Variants in TLK2 observed in about 807,000 individuals in gnomAD.
TLK2 encodes serine/threonine-protein kinase tousled-like 2.
In TLK2, 6 loss-of-function variants were observed where a neutral mutation model predicts 117.3. The ratio of observed to expected loss-of-function variants is 0.05; its 90% confidence interval spans 0.03 to 0.10. The LOEUF (loss-of-function observed/expected upper bound fraction) is 0.10, where lower values mean the gene tolerates loss of function less well. TLK2 is among the 10% of genes least tolerant of loss of function. TLK2 has a pLI of 1.00. For synonymous variants in TLK2, 257 were observed against 316.7 expected (o/e 0.81, Z 2.00); for missense variants, 299 against 901.2 (o/e 0.33, Z 8.56).
chr17:62,572,957 T>C, intron 11 of TLK2: 1 of 321,726 alleles, frequency 3.1e-6, no homozygotes, highest in Non-Finnish European at 5.7e-6. Context: ...AAGGTCACAA[T>C]AGAAATTTGA....
chr17:62,484,852 CG>C (rs1223125399), intron 2 of TLK2, among the ~76,000 whole-genome samples: 1 of 151,854 alleles, frequency 6.6e-6, no homozygotes, highest in Non-Finnish European at 1.5e-5. Flanking sequence ...GTCAGGAGAT[CG>C]AGACCATCCT....
intron 10 of TLK2, among the ~76,000 whole-genome samples, chr17:62,563,888 A>G (rs547936695): frequency 6.6e-6 from 1 of 152,284 alleles, no homozygotes; most frequent in East Asian, 1.9e-4. Flanking sequence ...CTTCTAGCGC[A>G]TTGAGGGGTT....
intron 9 of TLK2, among the ~76,000 whole-genome samples, chr17:62,556,817 A>C (rs1233388998): frequency 6.7e-6 from 1 of 150,224 alleles, no homozygotes; most frequent in Non-Finnish European, 1.5e-5. Flanking sequence ...TATTTCTCAC[A>C]TGTTATGTCT....
At chr17:62,598,338 T>A (rs2082630104) in intron 17 of TLK2, among the ~76,000 whole-genome samples, 1 of 152,354 alleles carries the variant, frequency 6.6e-6, no homozygotes, top group African/African-American at 2.4e-5. Flanking sequence ...TACACACTTT[T>A]AACTAATGTG....
chr17:62,560,994 C>G (rs2079224966), intron 10 of TLK2, among the ~76,000 whole-genome samples: 1 of 152,154 alleles, frequency 6.6e-6, no homozygotes, highest in African/African-American at 2.4e-5. Flanking sequence ...CAACCCACAA[C>G]AGGCCCCGGT....
chr17:62,570,535 A>C (rs574242617), intron 11 of TLK2, among the ~76,000 whole-genome samples: 1 of 152,326 alleles, frequency 6.6e-6, no homozygotes, highest in East Asian at 1.9e-4. Context: ...TTGTACTCCC[A>C]AAATAAATCT....
intron 14 of TLK2, among the ~76,000 whole-genome samples, chr17:62,578,810 T>G (rs2081003722): frequency 6.6e-6 from 1 of 152,212 alleles, no homozygotes; most frequent in South Asian, 2.1e-4. Flanking sequence ...CATATAGCAT[T>G]TTTACATGAA....
chr17:62,546,686 A>T (rs2077973235), intron 7 of TLK2, among the ~76,000 whole-genome samples: 1 of 150,754 alleles, frequency 6.6e-6, no homozygotes, highest in African/African-American at 2.4e-5. Flanking sequence ...CTCCCGAGTA[A>T]TTGGGACTAT....
chr17:62,510,360 C>T (rs2075047394), intron 2 of TLK2, among the ~76,000 whole-genome samples: 1 of 152,082 alleles, frequency 6.6e-6, no homozygotes, highest in African/African-American at 2.4e-5. Flanking sequence ...TTTTTTGAAC[C>T]AGATAGCCTT....
At chr17:62,555,840 G>A (rs1240699844) in intron 9 of TLK2, among the ~76,000 whole-genome samples, 1 of 152,074 alleles carries the variant, frequency 6.6e-6, no homozygotes, top group Admixed American at 6.6e-5. Context: ...AGGCTGGAGT[G>A]CAGTGGCGCA....
intron 2 of TLK2, among the ~76,000 whole-genome samples, chr17:62,487,128 T>C (rs1463112083): frequency 6.6e-6 from 1 of 151,934 alleles, no homozygotes; most frequent in Admixed American, 6.6e-5. Flanking sequence ...CCGTCTCTAC[T>C]AAAAATACAA....
At chr17:62,555,833 C>A (rs1264923251) in intron 9 of TLK2, among the ~76,000 whole-genome samples, 1 of 152,086 alleles carries the variant, frequency 6.6e-6, no homozygotes, top group East Asian at 1.9e-4. Flanking sequence ...GTCACCCAGG[C>A]TGGAGTGCAG....
intron 2 of TLK2, among the ~76,000 whole-genome samples, chr17:62,486,830 A>G (rs1384508116): frequency 6.6e-6 from 1 of 152,186 alleles, no homozygotes; most frequent in Non-Finnish European, 1.5e-5. Flanking sequence ...TACATAATCA[A>G]CTCACTGGAT....
intron 6 of TLK2, among the ~76,000 whole-genome samples, chr17:62,534,226 T>C (rs2076958761): frequency 6.6e-6 from 1 of 152,118 alleles, no homozygotes; most frequent in Non-Finnish European, 1.5e-5. Context: ...CAAGAAAGCA[T>C]GAGAGAGAAC....
rs2080818562 is a variant in TLK2 at position 62,576,779 on chromosome 17, A to C, written c.1188+4A>C. On this transcript the variant is annotated splice_donor_region_variant and intron_variant, in intron 13 of 21. Coordinates refer to ENST00000346027, the MANE Select transcript of TLK2 (RefSeq NM_006852.6). ...CAGATTAGGTCATCTTAAAAAGGTAAGTATAATGAGAAAATCTCCCTGGAG... is the reference window on the plus strand; with the variant it reads ...CAGATTAGGTCATCTTAAAAAGGTACGTATAATGAGAAAATCTCCCTGGAG... 1 of 1,603,810 alleles carries C rather than the reference A, an allele frequency of 6.2e-7. No individual in the cohort carries two copies. The highest frequency in any genetic ancestry group is 1.7e-5 in the Admixed American group (1 of 59,180).
chr17:62,609,418 C>T (rs1269085905), intron 21 of TLK2, among the ~76,000 whole-genome samples: 1 of 152,182 alleles, frequency 6.6e-6, no homozygotes, highest in Admixed American at 6.5e-5. Flanking sequence ...GGTGTTTGAT[C>T]TCTGCCGTTC....
At chr17:62,505,322 C>G (rs1399251822) in intron 2 of TLK2, among the ~76,000 whole-genome samples, 1 of 151,232 alleles carries the variant, frequency 6.6e-6, no homozygotes, top group Non-Finnish European at 1.5e-5. Context: ...TAGCTCACTG[C>G]TGTCTCAAAC....
intron 10 of TLK2, among the ~76,000 whole-genome samples, chr17:62,563,112 C>A (rs773515510): frequency 1.3e-5 from 2 of 151,998 alleles, no homozygotes; most frequent in Non-Finnish European, 2.9e-5. Flanking sequence ...GAATACTACT[C>A]AGTAATAAAA....
chr17:62,496,915 C>G (rs2073748444), intron 2 of TLK2, among the ~76,000 whole-genome samples: 1 of 150,080 alleles, frequency 6.7e-6, no homozygotes, highest in African/African-American at 2.5e-5. Flanking sequence ...CAAGATCGCG[C>G]CACTGCACTC....
Sources: allele counts gnomAD v4.1 joint callset (sites outside exome capture counted in the v4.1 genomes callset), GRCh38; gene constraint gnomAD v4.1.1; transcripts MANE v1.5; gene names NCBI Gene and HGNC (gene_info 2026-07-23, HGNC 2026-07-21).